The following SORT1 variants were observed in gnomAD, a reference collection of about 807,000 sequenced individuals.
The protein encoded by SORT1 is sortilin.
In SORT1, 39 loss-of-function variants were observed where a neutral mutation model predicts 101.7. The observed-to-expected ratio is 0.38, with a 90% CI of 0.30 to 0.50. The LOEUF (loss-of-function observed/expected upper bound fraction) is 0.50, where lower values mean the gene tolerates loss of function less well. SORT1 is among the 20% of genes least tolerant of loss of function. The pLI is 0.90. For missense variants in SORT1, 878 were observed against 1,040.4 expected, an observed-to-expected ratio of 0.84 and a Z score of 2.15; for synonymous variants, 396 against 393.7, an observed-to-expected ratio of 1.01 and a Z score of -0.07.
In SORT1 at chr1:109,310,685, C is replaced by CGG. The variant is rs1553188646; in HGVS notation, c.*3356_*3357dup. The CGG allele has an allele frequency of 6.6e-6, 1 of 152,622 alleles. No homozygotes were observed. The highest frequency in any genetic ancestry group is 1.5e-5 in the Non-Finnish European group (1 of 68,044). The allele number at this position is 152,622 out of a possible 1,614,324, so 9.5% of individuals were successfully genotyped here. On this transcript the variant is annotated 3_prime_UTR_variant, in exon 20 of 20. Transcript: ENST00000256637. ...CACTCTAGGTCATTGTGGACAGGCA[C>CGG]GGAGCTCTTGAGAGCACTGCTCAAA...
Position 109,369,575 on chromosome 1 carries a change from A to G in SORT1, c.321T>C (p.Asp107=), listed in dbSNP as rs1412705519. Residue 107 remains aspartate, a synonymous_variant, in exon 2 of 20, where the codon GAT becomes GAC. Coordinates refer to ENST00000256637, the MANE Select transcript of SORT1 (RefSeq NM_002959.7). ...AGGACAAGGATACTGAGCCTCTGAG[A>G]TCATCAAACACATGCTATAAGGGGA... is the stretch of plus-strand genomic sequence containing the variant. The part of the protein sequence containing the change: ...ANNTHQHVFD[D]LRGSVSLSWV... 6.2e-7 allele frequency: 1 copy of G among 1,608,200 alleles called. No homozygotes were observed. The highest frequency in any genetic ancestry group is 8.5e-7 in the Non-Finnish European group (1 of 1,174,694).
intron 8 of SORT1, among the ~76,000 whole-genome samples, chr1:109,343,252 C>A (rs1029920252): frequency 5.3e-5 from 8 of 152,232 alleles, no homozygotes; most frequent in African/African-American, 1.2e-4. Flanking sequence ...TTACTGCCTA[C>A]TTCTTCATCT....
intron 1 of SORT1, among the ~76,000 whole-genome samples, chr1:109,388,376 C>T (rs904831923): frequency 3.3e-5 from 5 of 151,686 alleles, no homozygotes; most frequent in African/African-American, 1.2e-4. Flanking sequence ...GTGGCTAGGG[C>T]TACCGGCATA....
chr1:109,361,215 T>C (rs933599885), intron 3 of SORT1, among the ~76,000 whole-genome samples: 1 of 152,252 alleles, frequency 6.6e-6, no homozygotes, highest in Non-Finnish European at 1.5e-5. Flanking sequence ...TTCAACATTT[T>C]ACTTAGATAT....
chr1:109,380,789 C>T (rs1490729308), intron 1 of SORT1, among the ~76,000 whole-genome samples: 1 of 96,626 alleles, frequency 1.0e-5, no homozygotes, highest in African/African-American at 4.1e-5. Flanking sequence ...CCAGCCTGGG[C>T]AACATGGCAA....
rs1443194442 is a variant in SORT1 at position 109,355,649 on chromosome 1, C to CCA, written c.441-181_441-180insTG. Among the ~76,000 whole-genome samples the CCA allele has an allele frequency of 3.7e-5, 5 of 134,616 alleles. 1 individual carries two copies. Among genetic ancestry groups the CCA allele is most frequent in the African/African-American group, 1.3e-4 (5 of 37,846 alleles). 88.3% of individuals were successfully genotyped at this position (134,616 alleles called of 152,430 possible). A position where few individuals can be genotyped will look rare whatever the true frequency, so the allele number is the denominator to read the frequency against. On this transcript the variant is annotated intron_variant, in intron 3 of 19. Coordinates refer to ENST00000256637, the MANE Select transcript of SORT1 (RefSeq NM_002959.7). ...AGTCCGAAGAACATTCCACCCGCCCCCCCCCCCACAAACCCACTCACCAGT... is the reference window on the plus strand; with the variant it reads ...AGTCCGAAGAACATTCCACCCGCCCCCACCCCCCCACAAACCCACTCACCAGT...
chr1:109,327,392 A>T, intron 12 of SORT1, 107 bp downstream of exon 12: 1 of 761,002 alleles, frequency 1.3e-6, no homozygotes, highest in Non-Finnish European at 2.1e-6. Context: ...AAAGGAATGT[A>T]AAAGCATCCA....
intron 6 of SORT1, among the ~76,000 whole-genome samples, chr1:109,347,922 A>C (rs764724051): frequency 9.9e-5 from 15 of 152,186 alleles, no homozygotes; most frequent in Non-Finnish European, 2.1e-4. Context: ...CCTCCACAAT[A>C]AAGAATTCTT....
chr1:109,373,646 C>T (rs1475598396), intron 1 of SORT1, among the ~76,000 whole-genome samples: 2 of 152,142 alleles, frequency 1.3e-5, no homozygotes, highest in African/African-American at 2.4e-5. Flanking sequence ...GTGCCGGTCC[C>T]GCCTAAAAAT....
chr1:109,392,559 G>C (rs1037993766), intron 1 of SORT1: 3 of 967,518 alleles, frequency 3.1e-6, no homozygotes, highest in East Asian at 1.1e-4. Flanking sequence ...ACTGTGCACA[G>C]AGCCAAACAT....
Position 109,324,925 on chromosome 1 carries a change from T to C in SORT1, c.1808A>G (p.Asp603Gly). Residue 603 changes from aspartate (D) to glycine (G), a missense_variant, in exon 14 of 20, where the codon GAT (aspartate) becomes GGT (glycine). Physicochemically the swap from Asp to Gly is moderately conservative, Grantham distance 94 (BLOSUM62 -1). Coordinates refer to ENST00000256637, the MANE Select transcript of SORT1 (RefSeq NM_002959.7). ...GTTCCTTTCAAGGATATCTTTAAAA[T>C]CAATGGTGTAGGAGACCCACTGGCT... ...LTSQWVSYTI[D>G]FKDILERNCE... is the part of the protein sequence containing the mutation. 6.2e-7 allele frequency: 1 copy of C among 1,610,362 alleles called. No homozygotes were observed. Among genetic ancestry groups the C allele is most frequent in the Non-Finnish European group, 8.5e-7 (1 of 1,177,668 alleles).
chr1:109,355,249 T>C, intron 4 of SORT1, 118 bp downstream of exon 4: 3 of 663,996 alleles, frequency 4.5e-6, no homozygotes, highest in Non-Finnish European at 8.1e-6. Context: ...AATATAAATA[T>C]AGCAATACTA....
chr1:109,331,869 A>G (rs532313987), intron 11 of SORT1, among the ~76,000 whole-genome samples: 2 of 151,828 alleles, frequency 1.3e-5, no homozygotes, highest in Non-Finnish European at 2.9e-5. Context: ...TAAAAATACA[A>G]TATACACTAA....
rs1344402757 is a variant in SORT1 at position 109,314,013 on chromosome 1, A to G, written c.*30T>C. On this transcript the variant is annotated 3_prime_UTR_variant, in exon 20 of 20. Coordinates refer to ENST00000256637, the MANE Select transcript of SORT1 (RefSeq NM_002959.7). ...GTGTAAGAGGTACTGTGGTTCCACC[A>G]TCCATGCTGGGTCCAGCTCCTCTGA... is the stretch of plus-strand genomic sequence containing the variant. 2 of 1,611,438 alleles carry G rather than the reference A, an allele frequency of 1.2e-6. No homozygotes were observed. Among genetic ancestry groups the G allele is most frequent in the Admixed American group, 3.3e-5 (2 of 59,964 alleles).
intron 11 of SORT1, among the ~76,000 whole-genome samples, chr1:109,332,218 A>C (rs1367670349): frequency 6.6e-6 from 1 of 152,190 alleles, no homozygotes; most frequent in African/African-American, 2.4e-5. Context: ...AGAACAATCC[A>C]AACACGTTAA....
intron 8 of SORT1, among the ~76,000 whole-genome samples, chr1:109,344,667 TTTAA>T (rs1349640725): frequency 2.6e-5 from 4 of 152,196 alleles, no homozygotes; most frequent in East Asian, 1.9e-4. Flanking sequence ...TCTTCGCGGC[TTTAA>T]TTATTACCTG....
rs370962342 is a variant in SORT1, at chr1:109,323,146, G to C, written c.1835-25C>G. 19 of 1,592,626 alleles carry C rather than the reference G, an allele frequency of 1.2e-5. No homozygotes were observed. The African/African-American group carries it at 2.6e-4, about 21-fold the overall frequency. ...CCTAAAGGAGAGACACACTGTTCAG[G>C]AAAGTACACAGCACAGAACCCACCC... On this transcript the variant is annotated intron_variant, in intron 14 of 19. Coordinates refer to ENST00000256637, the MANE Select transcript of SORT1 (RefSeq NM_002959.7).
rs1397204438 is a variant in SORT1, at chr1:109,312,489, CTAAAGT to C, written c.*1548_*1553del. 7.0e-6 allele frequency: 1 copy of C among 142,444 alleles called. No homozygotes were observed. Among genetic ancestry groups the C allele is most frequent in the Non-Finnish European group, 1.5e-5 (1 of 66,068 alleles). The allele number at this position is 142,444 out of a possible 1,614,324, so 8.8% of individuals were successfully genotyped here. The stretch of plus-strand genomic sequence containing the variant: ...ACTTAGCCATCTGCTCACATTCTGA[CTAAAGT>C]TAATTTGGCACTTCAAATAAAAAAA... On this transcript the variant is annotated 3_prime_UTR_variant, in exon 20 of 20. Transcript: ENST00000256637.
At chr1:109,375,541 C>CAAAACAA (rs1651775854) in intron 1 of SORT1, among the ~76,000 whole-genome samples, 1 of 71,082 alleles carries the variant, frequency 1.4e-5, no homozygotes, top group African/African-American at 6.0e-5. Flanking sequence ...GACTCCGTTT[C>CAAAACAA]AAAAAAAAAA....
Sources: gnomAD v4.1 joint callset for allele counts (sites outside exome capture counted in the v4.1 genomes callset) on GRCh38, gnomAD v4.1.1 for gene constraint, MANE v1.5 for transcripts, NCBI Gene and HGNC (gene_info 2026-07-23, HGNC 2026-07-21) for gene names.